Variants in NT5M observed in about 807,000 individuals in gnomAD.
NT5M encodes 5'(3')-deoxyribonucleotidase, mitochondrial.
Under a neutral mutation model 22.2 loss-of-function variants are expected in NT5M, and 22 were observed. The observed-to-expected ratio is 0.99, with a 90% CI of 0.71 to 1.41. NT5M has a LOEUF of 1.41. Ranked by LOEUF, NT5M falls within the 40% of genes most tolerant of loss-of-function variation. NT5M has a pLI of 0.00. For missense variants in NT5M, 322 were observed against 314.8 expected, an observed-to-expected ratio of 1.02 and a Z score of -0.17; for synonymous variants, 167 against 133.0, an observed-to-expected ratio of 1.26 and a Z score of -1.76.
rs963664802 is a variant in NT5M, at chr17:17,303,656, C to T, written c.106C>T (p.Leu36=). The T allele has an allele frequency of 6.5e-7, 1 of 1,536,460 alleles. No homozygotes were observed. The highest frequency in any genetic ancestry group is 1.9e-5 in the Admixed American group (1 of 51,972). ...GGLGLAGGRA[L]RVLVDMDGVL... is the part of the protein sequence containing the mutation. ...GCTGGGCCTGGCGGGAGGCCGCGCC[C>T]TACGGGTGCTGGTGGACATGGACGG... Residue 36 remains leucine, a synonymous_variant, in exon 1 of 5, where the codon CTA becomes TTA. Coordinates refer to ENST00000389022, the MANE Select transcript of NT5M (RefSeq NM_020201.4).
intron 3 of NT5M, among the ~76,000 whole-genome samples, chr17:17,329,347 G>C (rs1467372459): frequency 6.6e-6 from 1 of 152,192 alleles, no homozygotes; most frequent in African/African-American, 2.4e-5. Flanking sequence ...TTGAAGCTGA[G>C]GGTTAGCGGC....
intron 3 of NT5M, among the ~76,000 whole-genome samples, chr17:17,326,776 CAGA>C (rs1173082564): frequency 6.6e-6 from 1 of 152,120 alleles, no homozygotes; most frequent in Non-Finnish European, 1.5e-5. Context: ...ATGCTGTTGC[CAGA>C]AGAAGGGTCA....
At chr17:17,314,486 C>T (rs1475626235) in intron 2 of NT5M, among the ~76,000 whole-genome samples, 2 of 152,100 alleles carry the variant, frequency 1.3e-5, no homozygotes, top group African/African-American at 4.8e-5. Context: ...AAGTGCACCC[C>T]CCTACATATT....
intron 3 of NT5M, among the ~76,000 whole-genome samples, chr17:17,331,841 C>T (rs1039626241): frequency 3.3e-5 from 5 of 150,316 alleles, no homozygotes; most frequent in South Asian, 4.2e-4. Flanking sequence ...AGTGCAGTTG[C>T]GCGATCTCTG....
intron 2 of NT5M, among the ~76,000 whole-genome samples, chr17:17,313,996 G>A (rs1210198246): frequency 6.6e-6 from 1 of 152,056 alleles, no homozygotes; most frequent in Non-Finnish European, 1.5e-5. Flanking sequence ...AATATCTTCA[G>A]GGGTGACCAT....
chr17:17,329,933 C>T (rs2049341339), intron 3 of NT5M, among the ~76,000 whole-genome samples: 1 of 152,140 alleles, frequency 6.6e-6, no homozygotes, highest in African/African-American at 2.4e-5. Context: ...GATCATGCCA[C>T]TGCATTACAG....
intron 2 of NT5M, among the ~76,000 whole-genome samples, chr17:17,316,387 T>TTATG (rs1323358198): frequency 6.7e-6 from 1 of 150,284 alleles, no homozygotes; most frequent in African/African-American, 2.5e-5. Flanking sequence ...ATTTATTTAT[T>TTATG]TATTCGAGAC....
At chr17:17,325,581 G>A (rs998523360) in intron 3 of NT5M, among the ~76,000 whole-genome samples, 1 of 152,168 alleles carries the variant, frequency 6.6e-6, no homozygotes, top group Non-Finnish European at 1.5e-5. Flanking sequence ...CTCCTAAACT[G>A]CCTGCTCCTT....
chr17:17,345,821 AAC>A (rs2049747190), intron 4 of NT5M, among the ~76,000 whole-genome samples: 1 of 151,990 alleles, frequency 6.6e-6, no homozygotes, highest in Admixed American at 6.6e-5. Flanking sequence ...CAGAAAACAA[AAC>A]AAAATACAAC....
chr17:17,334,962 T>C (rs1033742140), intron 3 of NT5M, among the ~76,000 whole-genome samples: 2 of 152,188 alleles, frequency 1.3e-5, no homozygotes, highest in Non-Finnish European at 2.9e-5. Flanking sequence ...AGCTTAACAA[T>C]ATTGGGTCTT....
chr17:17,328,065 G>T (rs895622795), intron 3 of NT5M, among the ~76,000 whole-genome samples: 5 of 152,150 alleles, frequency 3.3e-5, no homozygotes, highest in South Asian at 2.1e-4. Flanking sequence ...GGAAAGGTAG[G>T]GTTCGGGTAT....
chr17:17,303,539 G>A lies in NT5M; in HGVS notation c.-12G>A. 9.5e-7 allele frequency: 1 copy of A among 1,053,016 alleles called. No individual in the cohort carries two copies. The highest frequency in any genetic ancestry group is 1.1e-6 in the Non-Finnish European group (1 of 874,880). The allele number at this position is 1,053,016 out of a possible 1,614,324, so 65.2% of individuals were successfully genotyped here. A position where few individuals can be genotyped will look rare whatever the true frequency, so the allele number is the denominator to read the frequency against. ...AGGTCCCCGCGCCCACGACGGGCCAGCGCGCTGGGCCATGATCCGGCTGGG... is the reference window on the plus strand; with the variant it reads ...AGGTCCCCGCGCCCACGACGGGCCAACGCGCTGGGCCATGATCCGGCTGGG... On this transcript the variant is annotated 5_prime_UTR_variant, in exon 1 of 5. Coordinates refer to ENST00000389022, the MANE Select transcript of NT5M (RefSeq NM_020201.4).
intron 2 of NT5M, among the ~76,000 whole-genome samples, chr17:17,316,782 C>G (rs1235760481): frequency 2.6e-5 from 4 of 151,054 alleles, no homozygotes; most frequent in Non-Finnish European, 2.9e-5. Context: ...GTGGCGCAAT[C>G]TCAGCTCACT....
chr17:17,338,692 T>C (rs961472984), intron 3 of NT5M, among the ~76,000 whole-genome samples: 1 of 147,446 alleles, frequency 6.8e-6, no homozygotes, highest in Non-Finnish European at 1.5e-5. Flanking sequence ...TTTTTTTTTT[T>C]TTTTTTTGTA....
chr17:17,304,577 T>A, intron 1 of NT5M: 1 of 285,198 alleles, frequency 3.5e-6, no homozygotes, highest in Non-Finnish European at 5.3e-6. Flanking sequence ...ATTGGCCACC[T>A]AGGGTTGCTG....
At chr17:17,308,198 G>C (rs989194545) in intron 2 of NT5M, among the ~76,000 whole-genome samples, 1 of 152,220 alleles carries the variant, frequency 6.6e-6, no homozygotes, top group African/African-American at 2.4e-5. Context: ...CTGGTGAAAT[G>C]AGTAGTTTTA....
intron 2 of NT5M, among the ~76,000 whole-genome samples, chr17:17,311,573 A>G (rs2048923768): frequency 6.6e-6 from 1 of 152,220 alleles, no homozygotes; most frequent in South Asian, 2.1e-4. Context: ...CTAGACTTAG[A>G]TAACTTTTAT....
At chr17:17,309,019 G>C (rs1010713674) in intron 2 of NT5M, among the ~76,000 whole-genome samples, 2 of 152,130 alleles carry the variant, frequency 1.3e-5, no homozygotes, top group East Asian at 3.8e-4. Flanking sequence ...TTTATCAGTT[G>C]ATAGATGTTT....
chr17:17,346,053 T>C (rs1042265314), intron 4 of NT5M, among the ~76,000 whole-genome samples: 2 of 152,236 alleles, frequency 1.3e-5, no homozygotes, highest in Admixed American at 1.3e-4. Flanking sequence ...TTCTATTTTT[T>C]TCCCTGATTG....
Sources: allele counts gnomAD v4.1 joint callset (sites outside exome capture counted in the v4.1 genomes callset), GRCh38; gene constraint gnomAD v4.1.1; transcripts MANE v1.5; gene names NCBI Gene and HGNC (gene_info 2026-07-23, HGNC 2026-07-21).